TEX11: variants seen among roughly 807,000 people sequenced by gnomAD.
The protein encoded by TEX11 is testis expressed 11, also known as testis-expressed protein 11.
In TEX11, 7 loss-of-function variants were observed where a neutral mutation model predicts 84.4. That is an observed-to-expected ratio of 0.08 (90% CI 0.05 to 0.16). The LOEUF is 0.16. TEX11 is among the 10% of genes least tolerant of loss of function. The probability of loss-of-function intolerance (pLI) is 1.00; values close to 1 mark genes in which losing one functional copy is unlikely to be tolerated. For missense variants in TEX11, 551 were observed against 660.5 expected, an observed-to-expected ratio of 0.83 and a Z score of 1.82; for synonymous variants, 264 against 222.8, an observed-to-expected ratio of 1.18 and a Z score of -1.64.
intron 9 of TEX11, among the ~76,000 whole-genome samples, chrX:70,789,410 G>A (rs2147793652): frequency 9.0e-6 from 1 of 111,524 alleles, no homozygotes; most frequent in East Asian, 2.8e-4. Flanking sequence ...TGGCCAACAT[G>A]GCAAAACCCT....
intron 9 of TEX11, among the ~76,000 whole-genome samples, chrX:70,744,806 G>A (rs1396946141): frequency 9.1e-6 from 1 of 109,773 alleles, no homozygotes; most frequent in Non-Finnish European, 1.9e-5. Context: ...CATCTCCCAA[G>A]TTCAAGCGAT....
intron 20 of TEX11, among the ~76,000 whole-genome samples, chrX:70,611,568 T>G (rs1000675732): frequency 2.9e-4 from 32 of 112,052 alleles, no homozygotes; most frequent in Admixed American, 2.5e-3. Flanking sequence ...AATCTCTTTA[T>G]GCATCTTGCA....
At position 70,856,424 on chromosome X, in the gene TEX11, T is replaced by C. The variant is rs975649828; in HGVS notation, c.325-3096A>G. ...TATTTTGAAATATAAAAATACATTA[T>C]ATAATCTCTTACATGAAATGGTGTA... is the stretch of plus-strand genomic sequence containing the variant. On this transcript the variant is annotated intron_variant, in intron 5 of 29. Coordinates refer to ENST00000374333, the MANE Select transcript of TEX11 (RefSeq NM_031276.3). Among the ~76,000 whole-genome samples, 9 of 111,033 alleles carry C rather than the reference T, an allele frequency of 8.1e-5. No homozygotes were observed. In the Admixed American group the frequency reaches 8.7e-4, roughly 11 times the overall value.
intron 2 of TEX11, among the ~76,000 whole-genome samples, chrX:70,904,115 T>G (rs753929624): frequency 9.2e-6 from 1 of 108,322 alleles, no homozygotes; most frequent in Admixed American, 1.0e-4. Context: ...CCACCAGGCC[T>G]GGCCTTGGTC....
chrX:70,827,880 C>T (rs1278108268), intron 8 of TEX11, among the ~76,000 whole-genome samples: 4 of 111,785 alleles, frequency 3.6e-5, no homozygotes, highest in African/African-American at 1.3e-4. Context: ...TGACACAGCA[C>T]AGGCCCAGTG....
the TEX11 span, among the ~76,000 whole-genome samples, chrX:70,513,892 T>C: frequency 9.2e-6 from 1 of 108,910 alleles, no homozygotes; most frequent in African/African-American, 3.4e-5. Flanking sequence ...ATATCAGATA[T>C]GACAGCAAGA....
At chrX:70,810,119 T>C (rs765090990) in intron 8 of TEX11, among the ~76,000 whole-genome samples, 2 of 111,437 alleles carry the variant, frequency 1.8e-5, no homozygotes, top group South Asian at 7.6e-4. Flanking sequence ...GTTAAAATGG[T>C]GATCATTAAA....
chrX:70,821,099 A>G (rs1478149049), intron 8 of TEX11, among the ~76,000 whole-genome samples: 1 of 111,876 alleles, frequency 8.9e-6, no homozygotes, highest in East Asian at 2.8e-4. Context: ...TTTGCAAACC[A>G]TATATCTGAT....
At chrX:70,858,415 C>A (rs1157080901) in intron 5 of TEX11, among the ~76,000 whole-genome samples, 3 of 103,060 alleles carry the variant, frequency 2.9e-5, no homozygotes, top group Non-Finnish European at 5.9e-5. Context: ...GCACTCCAGC[C>A]TGGGCGACAG....
At chrX:70,870,399 A>G (rs1213604845) in intron 4 of TEX11, among the ~76,000 whole-genome samples, 6 of 110,860 alleles carry the variant, frequency 5.4e-5, no homozygotes, top group Admixed American at 3.9e-4. Flanking sequence ...GCAGTGGCGC[A>G]ATCTCGGCTC....
intron 22 of TEX11, among the ~76,000 whole-genome samples, chrX:70,608,888 A>C (rs1482301122): frequency 8.9e-6 from 1 of 112,010 alleles, no homozygotes; most frequent in African/African-American, 3.2e-5. Flanking sequence ...CTACTATGAA[A>C]AAAGTATATA....
At chrX:70,637,948 T>TA (rs916597197) in intron 17 of TEX11, among the ~76,000 whole-genome samples, 14 of 107,191 alleles carry the variant, frequency 1.3e-4, no homozygotes, top group Non-Finnish European at 2.7e-4. Flanking sequence ...AAAATAACAT[T>TA]AAAAAAAGAT....
At chrX:70,567,770 C>T (rs745844463) in intron 25 of TEX11, among the ~76,000 whole-genome samples, 1 of 111,614 alleles carries the variant, frequency 9.0e-6, no homozygotes, top group Non-Finnish European at 1.9e-5. Flanking sequence ...ATCTGAGAGA[C>T]AGTTTGTTAT....
chrX:70,898,320 G>A (rs781112797), intron 2 of TEX11, among the ~76,000 whole-genome samples: 25 of 112,262 alleles, frequency 2.2e-4, no homozygotes, highest in African/African-American at 7.7e-4. Context: ...TTTGAGGGAT[G>A]GAATATAGGA....
intron 9 of TEX11, among the ~76,000 whole-genome samples, chrX:70,746,777 C>T (rs2090770395): frequency 8.9e-6 from 1 of 112,096 alleles, no homozygotes; most frequent in Non-Finnish European, 1.9e-5. Flanking sequence ...GCAGACCAAC[C>T]AGAAGGTTAC....
intron 20 of TEX11, among the ~76,000 whole-genome samples, chrX:70,618,687 T>C (rs745491186): frequency 9.8e-5 from 11 of 111,761 alleles, no homozygotes; most frequent in Non-Finnish European, 1.9e-4. Flanking sequence ...GGCCTTTGCT[T>C]ACGCAGTGGT....
chrX:70,895,945 T>A (rs946462569), intron 2 of TEX11, among the ~76,000 whole-genome samples: 5 of 111,768 alleles, frequency 4.5e-5, no homozygotes, highest in African/African-American at 1.6e-4. Flanking sequence ...ACAATACCAC[T>A]CAGGACATGG....
At chrX:70,724,918 G>A (rs1354036488) in intron 12 of TEX11, among the ~76,000 whole-genome samples, 2 of 110,895 alleles carry the variant, frequency 1.8e-5, no homozygotes, top group African/African-American at 6.5e-5. Flanking sequence ...AAAAATCACA[G>A]CATTACAAAG....
At chrX:70,838,976 T>A (rs1161619737) in intron 7 of TEX11, among the ~76,000 whole-genome samples, 1 of 112,030 alleles carries the variant, frequency 8.9e-6, no homozygotes, top group Non-Finnish European at 1.9e-5. Context: ...TTTGATTAGG[T>A]AAACAAAGCA....
Sources: gnomAD v4.1 joint callset for allele counts (sites outside exome capture counted in the v4.1 genomes callset) on GRCh38, gnomAD v4.1.1 for gene constraint, MANE v1.5 for transcripts, NCBI Gene and HGNC (gene_info 2026-07-23, HGNC 2026-07-21) for gene names.